CGGBP1: variants seen among roughly 807,000 people sequenced by gnomAD.
CGGBP1 encodes CGG triplet repeat-binding protein 1.
A neutral mutation model predicts 11.4 loss-of-function variants in CGGBP1; 4 were observed. The ratio of observed to expected loss-of-function variants is 0.35; its 90% CI spans 0.17 to 0.80. The LOEUF is 0.80. Ranked by LOEUF, CGGBP1 falls within the 30% of genes least tolerant of loss-of-function variation. The pLI, the probability that CGGBP1 is intolerant of heterozygous loss-of-function variation, is 0.52. For missense variants in CGGBP1, 135 were observed against 202.1 expected, an observed-to-expected ratio of 0.67 and a Z score of 2.01; for synonymous variants, 76 against 74.1, an observed-to-expected ratio of 1.03 and a Z score of -0.13.
intron 2 of CGGBP1, among the ~76,000 whole-genome samples, chr3:88,133,257 G>A (rs1457446311): frequency 6.6e-6 from 1 of 152,126 alleles, no homozygotes; most frequent in Non-Finnish European, 1.5e-5. Flanking sequence ...GAAAAGCATG[G>A]CTCATTGAAT....
intron 1 of CGGBP1, chr3:88,142,882 A>ATT: frequency 6.6e-6 from 1 of 152,454 alleles, no homozygotes; most frequent in Non-Finnish European, 1.5e-5. Flanking sequence ...TTAACTTAAT[A>ATT]AAGTGTTAAA....
intron 2 of CGGBP1, among the ~76,000 whole-genome samples, chr3:88,108,640 C>T (rs1261047194): frequency 6.6e-6 from 1 of 152,140 alleles, no homozygotes; most frequent in Non-Finnish European, 1.5e-5. Context: ...GCTACCTGCC[C>T]ATTAGTCATT....
chr3:88,110,727 CTATT>C (rs1196567668), intron 2 of CGGBP1, among the ~76,000 whole-genome samples: 12 of 152,074 alleles, frequency 7.9e-5, no homozygotes, highest in Admixed American at 7.9e-4. Context: ...ATTTAGTTGA[CTATT>C]TATACAGTCA....
chr3:88,059,196 G>A (rs940966752), upstream of CGGBP1: 1 of 1,438,346 alleles, frequency 7.0e-7, no homozygotes, highest in African/African-American at 1.4e-5. Context: ...CCAGCCGAGA[G>A]GCCCCTGTCC....
In CGGBP1 at chr3:88,078,055, T is replaced by G. The variant is rs73844856; in HGVS notation, c.-228-19832A>C. On this transcript the variant is annotated intron_variant, in intron 2 of 3. Coordinates refer to the CGGBP1 transcript ENST00000462901. Reference sequence around the variant, plus strand: ...TAAAACATGCTTAATATGCTAATTCTGGAATCCCTATATTAGCAAGTATAA... The same window carrying G: ...TAAAACATGCTTAATATGCTAATTCGGGAATCCCTATATTAGCAAGTATAA... Among the ~76,000 whole-genome samples, 460 of 152,338 alleles carry G rather than the reference T, an allele frequency of 3.0e-3. 3 individuals are homozygous for G. The highest frequency in any genetic ancestry group is 0.011 in the African/African-American group (442 of 41,588).
At chr3:88,148,966 T>C (rs1707358578) in intron 1 of CGGBP1, among the ~76,000 whole-genome samples, 1 of 152,066 alleles carries the variant, frequency 6.6e-6, no homozygotes, top group Non-Finnish European at 1.5e-5. Context: ...CAAAGTTAAA[T>C]TTGCTCACCA....
At chr3:88,149,240 T>A (rs888367526) in intron 1 of CGGBP1, among the ~76,000 whole-genome samples, 1 of 152,110 alleles carries the variant, frequency 6.6e-6, no homozygotes, top group Non-Finnish European at 1.5e-5. Context: ...GAGGTAGGCA[T>A]CTCCACTAGA....
chr3:88,117,886 C>T (rs1705505644), intron 2 of CGGBP1, among the ~76,000 whole-genome samples: 3 of 151,588 alleles, frequency 2.0e-5, no homozygotes, highest in African/African-American at 7.3e-5. Flanking sequence ...AAGTTTCATT[C>T]TAGACACACT....
intron 1 of CGGBP1, among the ~76,000 whole-genome samples, chr3:88,146,186 T>G (rs573177591): frequency 5.9e-5 from 9 of 152,342 alleles, no homozygotes; most frequent in African/African-American, 2.2e-4. Context: ...GTGGTCAGGT[T>G]GGAGGCCATC....
intron 2 of CGGBP1, among the ~76,000 whole-genome samples, chr3:88,127,225 A>G (rs1706162776): frequency 6.6e-6 from 1 of 152,180 alleles, no homozygotes; most frequent in Non-Finnish European, 1.5e-5. Context: ...TGAAAAAGAC[A>G]TTTCATACCA....
At chr3:88,134,314 TTTA>T (rs1335232738) in intron 2 of CGGBP1, among the ~76,000 whole-genome samples, 2 of 152,106 alleles carry the variant, frequency 1.3e-5, no homozygotes, top group Non-Finnish European at 2.9e-5. Context: ...GCTCATCACT[TTTA>T]AAAAATATTT....
At chr3:88,091,805 C>T (rs1708645784) in intron 2 of CGGBP1, among the ~76,000 whole-genome samples, 1 of 152,164 alleles carries the variant, frequency 6.6e-6, no homozygotes, top group Non-Finnish European at 1.5e-5. Context: ...GTAAGACATG[C>T]CTTTGTTCCT....
At chr3:88,069,538 C>T (rs1272144733) in intron 2 of CGGBP1, among the ~76,000 whole-genome samples, 2 of 152,152 alleles carry the variant, frequency 1.3e-5, no homozygotes, top group East Asian at 1.9e-4. Flanking sequence ...TAGCACTTAT[C>T]GAAGTTATAA....
intron 2 of CGGBP1, among the ~76,000 whole-genome samples, chr3:88,092,137 C>A (rs1038418473): frequency 2.0e-5 from 3 of 151,932 alleles, no homozygotes; most frequent in Non-Finnish European, 4.4e-5. Flanking sequence ...ATTTTCCATA[C>A]CAGAAGAAAA....
At chr3:88,067,350 G>C (rs1446856229) in intron 2 of CGGBP1, among the ~76,000 whole-genome samples, 1 of 152,214 alleles carries the variant, frequency 6.6e-6, no homozygotes, top group Admixed American at 6.5e-5. Context: ...CTCATCCAAG[G>C]AGAGATCTTA....
intron 2 of CGGBP1, among the ~76,000 whole-genome samples, chr3:88,107,985 T>C (rs1704847568): frequency 6.6e-6 from 1 of 151,986 alleles, no homozygotes; most frequent in Admixed American, 6.5e-5. Context: ...ATTGTTCTTA[T>C]CATTTTTTTT....
At chr3:88,063,301 A>G (rs1706993196), upstream of CGGBP1, among the ~76,000 whole-genome samples, 1 of 152,132 alleles carries the variant, frequency 6.6e-6, no homozygotes. Flanking sequence ...GGTACCTTTT[A>G]TGCGTAATGC....
At chr3:88,140,915 C>A (rs551870040) in intron 2 of CGGBP1, 1 of 1,613,454 alleles carries the variant, frequency 6.2e-7, no homozygotes, top group African/African-American at 1.3e-5. Flanking sequence ...ATCAAGATAA[C>A]GTGTATAAAA....
intron 2 of CGGBP1, among the ~76,000 whole-genome samples, chr3:88,104,639 C>T (rs1224210077): frequency 6.6e-6 from 1 of 152,060 alleles, no homozygotes; most frequent in African/African-American, 2.4e-5. Context: ...TGAGATTAGG[C>T]GGGATTTTTA....
Sources: gnomAD v4.1 joint callset for allele counts (sites outside exome capture counted in the v4.1 genomes callset) on GRCh38, gnomAD v4.1.1 for gene constraint, MANE v1.5 for transcripts, NCBI Gene and HGNC (gene_info 2026-07-23, HGNC 2026-07-21) for gene names.